Variants in BIRC6 observed in about 807,000 individuals in gnomAD.
The protein encoded by BIRC6 is dual E2 ubiquitin-conjugating enzyme/E3 ubiquitin-protein ligase BIRC6.
A neutral mutation model predicts 503.3 loss-of-function variants in BIRC6; 98 were observed. That is an observed-to-expected ratio of 0.19 (90% CI 0.17 to 0.23). The LOEUF (loss-of-function observed/expected upper bound fraction) is 0.23, where lower values mean the gene tolerates loss of function less well. Among genes scored for constraint, BIRC6 ranks in the 10% least tolerant of loss-of-function variants. The pLI, the probability that BIRC6 is intolerant of heterozygous loss-of-function variation, is 1.00. For missense variants in BIRC6, 5,360 were observed against 5,806.0 expected, an observed-to-expected ratio of 0.92 and a Z score of 2.50; for synonymous variants, 2,240 against 2,078.7, an observed-to-expected ratio of 1.08 and a Z score of -2.11.
At chr2:32,473,549 T>C (rs2149041996) in intron 33 of BIRC6, among the ~76,000 whole-genome samples, 1 of 152,246 alleles carries the variant, frequency 6.6e-6, no homozygotes, top group Non-Finnish European at 1.5e-5. Flanking sequence ...TTTAATTCAA[T>C]CCATTTTCCT....
chr2:32,610,801 C>G (rs1422702077), intron 72 of BIRC6, among the ~76,000 whole-genome samples: 1 of 152,092 alleles, frequency 6.6e-6, no homozygotes, highest in Non-Finnish European at 1.5e-5. Context: ...TGGAGTCTTG[C>G]TCTGTCGCCC....
Position 32,453,854 on chromosome 2 carries a change from A to T in BIRC6, c.4665A>T (p.Thr1555=). 1 of 1,613,796 alleles carries T rather than the reference A, an allele frequency of 6.2e-7. No individual in the cohort carries two copies. Among genetic ancestry groups the T allele is most frequent in the Non-Finnish European group, 8.5e-7 (1 of 1,179,720 alleles). ...GCACAGCTGCTGAGGGTAGTTTCACATCTCTCACTGGACTTTTGGAAGTTG... is the reference window on the plus strand; with the variant it reads ...GCACAGCTGCTGAGGGTAGTTTCACTTCTCTCACTGGACTTTTGGAAGTTG... ...SSCTAAEGSF[T]SLTGLLEVEP... The change falls in exon 23 of 74, where the codon ACA becomes ACT. Residue 1555 remains threonine (T), a synonymous_variant. Transcript: ENST00000421745.
At position 32,485,347 on chromosome 2, in the gene BIRC6, A is replaced by G. The variant is rs77042949; in HGVS notation, c.7697-296A>G. ...CTTTCTTCTTGTCTGTATTTATAGCACTTTATTCTGACAGTGAGAAACCTG... is the reference window on the plus strand; with the variant it reads ...CTTTCTTCTTGTCTGTATTTATAGCGCTTTATTCTGACAGTGAGAAACCTG... On this transcript the variant is annotated intron_variant, in intron 39 of 73. Coordinates refer to ENST00000421745, the MANE Select transcript of BIRC6 (RefSeq NM_016252.4). 6.8e-4 allele frequency among the ~76,000 whole-genome samples: 103 copies of G among 152,246 alleles called. 4 individuals are homozygous for G. In the East Asian group the frequency reaches 0.019, roughly 29 times the overall value.
intron 8 of BIRC6, among the ~76,000 whole-genome samples, chr2:32,404,070 A>G (rs1229196382): frequency 6.6e-6 from 1 of 150,968 alleles, no homozygotes. Flanking sequence ...CTGGGACTAC[A>G]GGTGCCCACG....
At chr2:32,544,446 A>G (rs2057906383) in intron 62 of BIRC6, among the ~76,000 whole-genome samples, 1 of 148,012 alleles carries the variant, frequency 6.8e-6, no homozygotes, top group African/African-American at 2.5e-5. Context: ...TCACAAGTAG[A>G]TTTTCATTTG....
rs544011532 is a variant in BIRC6, at chr2:32,464,918, G to T, written c.5256+95G>T. ...AAGGCAAAATTTTTAATACCAACTA[G>T]ATGTATCAAGTTATTTTCTTTTATA... On this transcript the variant is annotated intron_variant, in intron 25 of 73. Transcript: ENST00000421745. The T allele has an allele frequency of 1.1e-5, 16 of 1,442,180 alleles. No homozygotes were observed. In the South Asian group the frequency reaches 2.3e-4, roughly 20 times the overall value. 89.3% of individuals were successfully genotyped at this position (1,442,180 alleles called of 1,614,324 possible).
At position 32,468,002 on chromosome 2, in the gene BIRC6, C is replaced by T. The variant is rs1241798969; in HGVS notation, c.5671C>T (p.Leu1891=). The T allele has an allele frequency of 1.2e-6, 2 of 1,613,626 alleles. No individual in the cohort carries two copies. Among genetic ancestry groups the T allele is most frequent in the African/African-American group, 1.3e-5 (1 of 74,870 alleles). The change falls in exon 28 of 74, where the codon CTG becomes TTG. Residue 1891 remains leucine, a synonymous_variant. Transcript: ENST00000421745. ...CTACATCTTGCCTTGGGAAAGTGAA[C>T]TGAAGTTAATGCATGATCCTCTAAA... ...HTYILPWESE[L]KLMHDPLKGE...
intron 33 of BIRC6, 142 bp downstream of exon 33, chr2:32,473,381 TC>T: frequency 1.5e-6 from 1 of 651,132 alleles, no homozygotes; most frequent in East Asian, 3.0e-5. Context: ...TTTGGAGACT[TC>T]AATTTCCTTA....
intron 22 of BIRC6, among the ~76,000 whole-genome samples, chr2:32,451,697 T>C (rs2046750737): frequency 1.3e-5 from 2 of 152,236 alleles, no homozygotes; most frequent in Admixed American, 1.3e-4. Flanking sequence ...TGCTTGTTTC[T>C]TGGAATACCA....
chr2:32,522,836 A>G (rs542940809), intron 57 of BIRC6: 1 of 152,124 alleles, frequency 6.6e-6, no homozygotes, highest in African/African-American at 2.4e-5. Flanking sequence ...AAGACCCTGT[A>G]TAGATCTCTG....
At chr2:32,566,768 GTTTT>G (rs1211965668) in intron 65 of BIRC6, among the ~76,000 whole-genome samples, 2 of 151,988 alleles carry the variant, frequency 1.3e-5, no homozygotes, top group Admixed American at 1.3e-4. Context: ...TTCATCATAA[GTTTT>G]TTTGTGTATT....
chr2:32,357,428 G>T lies in BIRC6; in HGVS notation c.267G>T (p.Gly89=), dbSNP rs1384697387. ...LNAILAVTSR[G]TIKVIDGTSG... is the part of the protein sequence containing the mutation. Reference sequence around the variant, plus strand: ...CCATCCTGGCCGTCACTAGCCGCGGGACCATCAAAGTCATCGACGGCACCT... The same window carrying T: ...CCATCCTGGCCGTCACTAGCCGCGGTACCATCAAAGTCATCGACGGCACCT... The change falls in exon 1 of 74, where the codon GGG becomes GGT. Residue 89 remains glycine, a synonymous_variant. Coordinates refer to ENST00000421745, the MANE Select transcript of BIRC6 (RefSeq NM_016252.4). This position sits in a 1 kb window ranked among gnomAD's most constrained non-coding sequence, Gnocchi z 4.9. 3.9e-6 allele frequency: 6 copies of T among 1,549,972 alleles called. No individual in the cohort carries two copies. Among genetic ancestry groups the T allele is most frequent in the South Asian group, 1.2e-5 (1 of 83,970 alleles).
chr2:32,431,392 C>T (rs2044105579), intron 12 of BIRC6, among the ~76,000 whole-genome samples: 2 of 151,720 alleles, frequency 1.3e-5, no homozygotes, highest in African/African-American at 2.4e-5. Flanking sequence ...GATGGGGTTT[C>T]ACTCTGTTGG....
At chr2:32,572,162 A>G (rs890254082) in intron 65 of BIRC6, among the ~76,000 whole-genome samples, 4 of 152,164 alleles carry the variant, frequency 2.6e-5, no homozygotes, top group Non-Finnish European at 5.9e-5. Context: ...GTCTAGGAGA[A>G]TGTTTCATGT....
At chr2:32,508,834 C>T (rs953962607) in intron 51 of BIRC6, among the ~76,000 whole-genome samples, 1 of 152,128 alleles carries the variant, frequency 6.6e-6, no homozygotes, top group African/African-American at 2.4e-5. Flanking sequence ...CCTGTAATCC[C>T]AGCACTTGGG....
At chr2:32,569,597 C>G (rs2059784613) in intron 65 of BIRC6, among the ~76,000 whole-genome samples, 1 of 151,022 alleles carries the variant, frequency 6.6e-6, no homozygotes, top group Non-Finnish European at 1.5e-5. Flanking sequence ...GTCTTAAGCC[C>G]TTGGACCCGA....
chr2:32,407,053 T>G (rs2041299378), intron 9 of BIRC6, among the ~76,000 whole-genome samples: 1 of 152,166 alleles, frequency 6.6e-6, no homozygotes, highest in South Asian at 2.1e-4. Context: ...CAAAATAGTT[T>G]TACTATGTCA....
At position 32,597,800 on chromosome 2, in the gene BIRC6, A is replaced by G; in HGVS notation, c.13662A>G (p.Lys4554=). 1.2e-6 allele frequency: 2 copies of G among 1,613,796 alleles called. No homozygotes were observed. The highest frequency in any genetic ancestry group is 1.7e-6 in the Non-Finnish European group (2 of 1,179,720). Residue 4554 remains lysine, a synonymous_variant, in exon 69 of 74, where the codon AAA becomes AAG. Coordinates refer to ENST00000421745, the MANE Select transcript of BIRC6 (RefSeq NM_016252.4). ...SEDEDGKLGF[K]VNYHYMSQVK... The stretch of plus-strand genomic sequence containing the variant: ...ATGAAGATGGGAAATTGGGATTTAA[A>G]GTAAATTACCACTACATGTCTCAGG...
chr2:32,436,890 T>C lies in BIRC6; in HGVS notation c.3631+706T>C, dbSNP rs867451888. Among the ~76,000 whole-genome samples the C allele has an allele frequency of 5.5e-3, 775 of 142,156 alleles. 5 individuals carry two copies. The highest frequency in any genetic ancestry group is 0.019 in the African/African-American group (739 of 38,902). 93.3% of individuals were successfully genotyped at this position (142,156 alleles called of 152,430 possible). On this transcript the variant is annotated intron_variant, in intron 15 of 73. Transcript: ENST00000421745. ...GAGAGGTTTTTTTTGTTTTTTCTTT[T>C]TTTTTTTTTTTTTTTTGAGACAGAG...
Sources: gnomAD v4.1 joint callset for allele counts (sites outside exome capture counted in the v4.1 genomes callset) on GRCh38, gnomAD v4.1.1 for gene constraint, Gnocchi (gnomAD v3.1) non-coding constraint, MANE v1.5 for transcripts, NCBI Gene and HGNC (gene_info 2026-07-23, HGNC 2026-07-21) for gene names.